MAGI2: variants seen among roughly 807,000 people sequenced by gnomAD.
MAGI2 encodes membrane associated guanylate kinase, WW and PDZ domain containing 2.
Under a neutral mutation model 133.3 loss-of-function variants are expected in MAGI2, and 35 were observed. The ratio of observed to expected loss-of-function variants is 0.26; its 90% CI spans 0.20 to 0.35. The LOEUF is 0.35. Among genes scored for constraint, MAGI2 ranks in the 10% least tolerant of loss-of-function variants. The probability of loss-of-function intolerance (pLI) is 1.00; values close to 1 mark genes in which losing one functional copy is unlikely to be tolerated. For missense variants in MAGI2, 1,636 were observed against 1,863.4 expected (o/e 0.88, Z 2.25); for synonymous variants, 729 against 710.6 (o/e 1.03, Z -0.41).
At chr7:79,124,683 G>A (rs1820237029) in intron 1 of MAGI2, 1 of 152,658 alleles carries the variant, frequency 6.6e-6, no homozygotes, top group Non-Finnish European at 1.5e-5. Flanking sequence ...ATGTTCCTTA[G>A]CTTACTGCTT....
intron 2 of MAGI2, among the ~76,000 whole-genome samples, chr7:78,976,159 C>A (rs1424607986): frequency 1.3e-5 from 2 of 151,480 alleles, no homozygotes; most frequent in Non-Finnish European, 3.0e-5. Flanking sequence ...ATCTCATTAA[C>A]ATAGATGAAA....
chr7:78,274,029 A>C (rs1252080132), intron 9 of MAGI2, among the ~76,000 whole-genome samples: 2 of 151,966 alleles, frequency 1.3e-5, no homozygotes, highest in African/African-American at 4.8e-5. Context: ...TGGTTTTTGG[A>C]ATTTTCAGCC....
At chr7:78,807,360 T>A (rs2151398531) in intron 2 of MAGI2, among the ~76,000 whole-genome samples, 1 of 152,300 alleles carries the variant, frequency 6.6e-6, no homozygotes, top group Non-Finnish European at 1.5e-5. Context: ...TTTAAAAAGC[T>A]ATTTTTCAAA....
chr7:78,265,842 T>C (rs1793946626), intron 9 of MAGI2, among the ~76,000 whole-genome samples: 1 of 152,242 alleles, frequency 6.6e-6, no homozygotes, highest in Non-Finnish European at 1.5e-5. Flanking sequence ...GAGGCCAGCA[T>C]GGCATGACCT....
chr7:78,048,167 T>A (rs1811624658), intron 21 of MAGI2, among the ~76,000 whole-genome samples: 1 of 152,194 alleles, frequency 6.6e-6, no homozygotes. Flanking sequence ...CATTTTGGAA[T>A]GGAGACTCTG....
chr7:78,945,560 A>C (rs1188735166), intron 2 of MAGI2, among the ~76,000 whole-genome samples: 15 of 152,198 alleles, frequency 9.9e-5, no homozygotes, highest in Non-Finnish European at 1.5e-5. Flanking sequence ...CATCAACCAC[A>C]GTCACCTTGC....
intron 2 of MAGI2, among the ~76,000 whole-genome samples, chr7:78,668,701 C>T (rs112940593): frequency 2.0e-4 from 30 of 152,076 alleles, no homozygotes; most frequent in African/African-American, 2.9e-4. Context: ...TGTAAAAGTA[C>T]GGAAATTATA....
At chr7:78,613,342 T>C (rs1391258748) in intron 3 of MAGI2, among the ~76,000 whole-genome samples, 1 of 152,226 alleles carries the variant, frequency 6.6e-6, no homozygotes, top group Non-Finnish European at 1.5e-5. Flanking sequence ...GCCTTGTGGG[T>C]ACATTAGTAA....
chr7:79,377,436 C>T (rs1843455395), intron 1 of MAGI2, among the ~76,000 whole-genome samples: 1 of 151,824 alleles, frequency 6.6e-6, no homozygotes, highest in South Asian at 2.1e-4. Flanking sequence ...GGACGAGATT[C>T]ATTGCCATCC....
At chr7:78,665,866 T>A (rs748542360) in intron 2 of MAGI2, among the ~76,000 whole-genome samples, 2 of 152,174 alleles carry the variant, frequency 1.3e-5, no homozygotes, top group African/African-American at 4.8e-5. Flanking sequence ...AGAGATATGA[T>A]AATGAATCAG....
At chr7:78,173,495 G>C (rs1826303536) in intron 14 of MAGI2, among the ~76,000 whole-genome samples, 1 of 152,182 alleles carries the variant, frequency 6.6e-6, no homozygotes, top group African/African-American at 2.4e-5. Flanking sequence ...CATGAGCCAA[G>C]GGGTCCAATA....
chr7:78,511,363 C>T (rs879325301), intron 4 of MAGI2, among the ~76,000 whole-genome samples: 8 of 151,876 alleles, frequency 5.3e-5, no homozygotes, highest in East Asian at 1.9e-4. Context: ...GGAGCAGTCA[C>T]GCATTCTACA....
intron 1 of MAGI2, among the ~76,000 whole-genome samples, chr7:79,083,658 A>G (rs1483818133): frequency 2.0e-5 from 3 of 151,570 alleles, no homozygotes; most frequent in Non-Finnish European, 4.4e-5. Context: ...TTGTTGGGTT[A>G]TTATACCAGA....
chr7:78,615,409 A>G (rs1030315218), intron 3 of MAGI2: 2 of 152,230 alleles, frequency 1.3e-5, no homozygotes, highest in Admixed American at 6.5e-5. Context: ...GCTGCATCAA[A>G]AAGGTGTTCT....
intron 6 of MAGI2, among the ~76,000 whole-genome samples, chr7:78,469,940 A>T (rs556382838): frequency 6.6e-6 from 1 of 152,264 alleles, no homozygotes; most frequent in Admixed American, 6.5e-5. Context: ...CTTTTAAACC[A>T]AGGAATAGTC....
intron 2 of MAGI2, among the ~76,000 whole-genome samples, chr7:78,693,323 T>C (rs886264047): frequency 3.3e-5 from 5 of 152,186 alleles, no homozygotes; most frequent in Admixed American, 1.3e-4. Flanking sequence ...AGTTGTAGCA[T>C]TGTAACTTCT....
At chr7:79,434,553 A>G (rs2129189916) in intron 1 of MAGI2, among the ~76,000 whole-genome samples, 1 of 152,322 alleles carries the variant, frequency 6.6e-6, no homozygotes, top group African/African-American at 2.4e-5. Flanking sequence ...CTCATAATGG[A>G]TAAGGTAAAT....
chr7:79,111,265 CTT>C (rs1327310192), intron 1 of MAGI2, among the ~76,000 whole-genome samples: 1 of 152,072 alleles, frequency 6.6e-6, no homozygotes, highest in Non-Finnish European at 1.5e-5. Context: ...ATTATTTTAA[CTT>C]GATTTGAAAC....
At chr7:79,442,412 A>G (rs539390592) in intron 1 of MAGI2, among the ~76,000 whole-genome samples, 2 of 151,502 alleles carry the variant, frequency 1.3e-5, no homozygotes, top group African/African-American at 4.9e-5. Flanking sequence ...TTCCGAGACT[A>G]TTTATTTAAA....
Sources: allele counts gnomAD v4.1 joint callset (sites outside exome capture counted in the v4.1 genomes callset), GRCh38; gene constraint gnomAD v4.1.1; transcripts MANE v1.5; gene names NCBI Gene and HGNC (gene_info 2026-07-23, HGNC 2026-07-21).